The following ILDR1 variants were observed in gnomAD, a reference collection of about 807,000 sequenced individuals.
ILDR1 encodes the protein immunoglobulin-like domain-containing receptor 1.
ILDR1 carries 56 observed loss-of-function variants against 62.4 expected under a neutral mutation model. The observed-to-expected ratio is 0.90, with a 90% confidence interval of 0.72 to 1.12. The LOEUF is 1.12. Ranked by LOEUF, ILDR1 falls within the 50% of genes most tolerant of loss-of-function variation. The pLI is 0.00. For missense variants in ILDR1, 736 were observed against 710.6 expected (o/e 1.04, Z -0.41); for synonymous variants, 284 against 277.8 (o/e 1.02, Z -0.22).
chr3:121,993,114 C>T, intron 7 of ILDR1, 36 bp downstream of exon 7: 2 of 1,500,704 alleles, frequency 1.3e-6, no homozygotes, highest in South Asian at 2.4e-5. Context: ...TCCTCTCTGC[C>T]CATGCCCAAC....
At position 121,993,733 on chromosome 3, in the gene ILDR1, A is replaced by T. The variant is rs2071393235; in HGVS notation, c.1016T>A (p.Leu339Gln). The change falls in exon 7 of 8, where the codon CTG becomes CAG. Residue 339 changes from leucine to glutamine, a missense_variant. By Grantham distance (113) the Leu-to-Gln change is moderately radical. Transcript: ENST00000344209. ...GTCACTGGTCCTCCTTGAGGATGAC[A>T]GGTCTCTGATCAGTGGGGGCAGGTG... is the stretch of plus-strand genomic sequence containing the variant. ...IIHLPPLIRD[L>Q]SSSRRTSDSL... 1 of 1,614,004 alleles carries T rather than the reference A, an allele frequency of 6.2e-7. No homozygotes were observed. Among genetic ancestry groups the T allele is most frequent in the African/African-American group, 1.3e-5 (1 of 74,928 alleles).
intron 7 of ILDR1, among the ~76,000 whole-genome samples, chr3:121,989,403 ATCAAAAAG>A (rs759884331): frequency 2.6e-5 from 4 of 152,242 alleles, no homozygotes; most frequent in Admixed American, 6.5e-5. Context: ...TAAACATTAA[ATCAAAAAG>A]TCAAGAAAAA....
chr3:122,060,512 A>G, the ILDR1 span, among the ~76,000 whole-genome samples: 1 of 152,122 alleles, frequency 6.6e-6, no homozygotes. Flanking sequence ...GCTGAGGTCA[A>G]TGGCTCATGC....
Position 121,993,287 on chromosome 3 carries a change from G to A in ILDR1, c.1462C>T (p.Gln488Ter). ...SWSSEEDKER[Q>*]PQSWRAHRRG... ...CGGTGGGCCCGCCAGCTCTGGGGCT[G>A]CCTCTCCTTGTCCTCTTCAGAGCTC... Residue 488 changes from glutamine (Q) to a stop codon, truncating the protein, a stop_gained, in exon 7 of 8, where the codon CAG becomes TAG. Transcript: ENST00000344209. LOFTEE classifies it high-confidence loss of function. 1 of 1,613,650 alleles carries A rather than the reference G, an allele frequency of 6.2e-7. No individual in the cohort carries two copies. Among genetic ancestry groups the A allele is most frequent in the Non-Finnish European group, 8.5e-7 (1 of 1,179,824 alleles).
At chr3:122,003,177 G>A (rs1049371275) in intron 3 of ILDR1, among the ~76,000 whole-genome samples, 9 of 152,132 alleles carry the variant, frequency 5.9e-5, no homozygotes, top group African/African-American at 1.9e-4. Context: ...TAAATGCCAC[G>A]GAACCTTAGC....
chr3:122,047,785 A>C, the ILDR1 span, among the ~76,000 whole-genome samples: 3 of 152,222 alleles, frequency 2.0e-5, no homozygotes, highest in African/African-American at 4.8e-5. Context: ...CGCACAGTGC[A>C]CGCACCCACT....
At chr3:122,031,445 A>G in the ILDR1 span, among the ~76,000 whole-genome samples, 2 of 152,160 alleles carry the variant, frequency 1.3e-5, no homozygotes, top group Non-Finnish European at 2.9e-5. Context: ...TACCACAACT[A>G]TATGCTTTGA....
chr3:121,989,625 G>A (rs1245343070), intron 7 of ILDR1, among the ~76,000 whole-genome samples: 1 of 152,212 alleles, frequency 6.6e-6, no homozygotes, highest in Non-Finnish European at 1.5e-5. Flanking sequence ...TGTACTCACT[G>A]AAGGTAAAAG....
chr3:122,048,821 A>G, the ILDR1 span, among the ~76,000 whole-genome samples: 88,358 of 151,794 alleles, frequency 0.58, 26,765 homozygotes, highest in East Asian at 0.73. Context: ...TTTTTTATAG[A>G]GACAGGGTCT....
chr3:122,006,070 G>C (rs1047016159), intron 2 of ILDR1, among the ~76,000 whole-genome samples: 5 of 152,140 alleles, frequency 3.3e-5, no homozygotes, highest in Non-Finnish European at 5.9e-5. Flanking sequence ...AGGAAACAAT[G>C]CCTCAATTTA....
the ILDR1 span, among the ~76,000 whole-genome samples, chr3:122,036,478 A>G: frequency 8.6e-4 from 131 of 151,950 alleles, 1 homozygote; most frequent in Middle Eastern, 3.4e-3. Context: ...AGTCCCAGCT[A>G]CTCAGGAGGC....
chr3:122,014,329 T>A (rs1046397427), intron 1 of ILDR1, among the ~76,000 whole-genome samples: 2 of 152,232 alleles, frequency 1.3e-5, no homozygotes, highest in African/African-American at 4.8e-5. Flanking sequence ...TCCCTTCACA[T>A]CTTTTCCTAT....
At chr3:122,006,906 T>C in intron 2 of ILDR1, 85 bp downstream of exon 2, 1 of 1,411,440 alleles carries the variant, frequency 7.1e-7, no homozygotes, top group Non-Finnish European at 9.8e-7. Flanking sequence ...AGATTTGTAA[T>C]CCTAAATAAT....
At chr3:122,022,994 T>C (rs900627325), upstream of ILDR1, among the ~76,000 whole-genome samples, 133 of 150,880 alleles carry the variant, frequency 8.8e-4, no homozygotes, top group African/African-American at 2.9e-3. Context: ...ACTAGAGAAG[T>C]TGACTCAAGT....
chr3:122,035,440 T>C, the ILDR1 span, among the ~76,000 whole-genome samples: 15 of 152,082 alleles, frequency 9.9e-5, no homozygotes, highest in Middle Eastern at 6.8e-3. Flanking sequence ...GTATGCCTTT[T>C]CCCCAAAAAA....
chr3:122,036,514 G>A, the ILDR1 span, among the ~76,000 whole-genome samples: 3 of 151,800 alleles, frequency 2.0e-5, no homozygotes, highest in Admixed American at 6.6e-5. Flanking sequence ...GTGTCAACGC[G>A]GGAGGTGGAG....
Sources: gnomAD v4.1 joint callset for allele counts (sites outside exome capture counted in the v4.1 genomes callset) on GRCh38, gnomAD v4.1.1 for gene constraint, MANE v1.5 for transcripts, NCBI Gene and HGNC (gene_info 2026-07-23, HGNC 2026-07-21) for gene names.